Variants in COL4A4 observed in about 807,000 individuals in gnomAD.
COL4A4 encodes collagen alpha-4(IV) chain.
Under a neutral mutation model 192.9 loss-of-function variants are expected in COL4A4, and 105 were observed. That is an observed-to-expected ratio of 0.54 (90% CI 0.46 to 0.64). The LOEUF (loss-of-function observed/expected upper bound fraction) is 0.64. Among genes scored for constraint, COL4A4 ranks in the 30% least tolerant of loss-of-function variants. The pLI, the probability that COL4A4 is intolerant of heterozygous loss-of-function variation, is 0.00. For missense variants in COL4A4, 1,967 were observed against 2,169.3 expected, an observed-to-expected ratio of 0.91 and a Z score of 1.85; for synonymous variants, 762 against 769.9, an observed-to-expected ratio of 0.99 and a Z score of 0.17.
chr2:227,132,431 G>A (rs1053855259), intron 4 of COL4A4, among the ~76,000 whole-genome samples: 8 of 152,266 alleles, frequency 5.3e-5, no homozygotes, highest in East Asian at 1.9e-4. Context: ...GTTACTTGCC[G>A]AATGAATGGA....
At position 227,156,491 on chromosome 2, in the gene COL4A4, G is replaced by GAAAA. The variant is rs397973979; in HGVS notation, c.-102+7512_-102+7515dup. Among the ~76,000 whole-genome samples, 256 of 146,660 alleles carry GAAAA rather than the reference G, an allele frequency of 1.7e-3. 6 individuals carry two copies. The highest frequency in any genetic ancestry group is 0.016 in the Admixed American group (242 of 14,692). On this transcript the variant is annotated intron_variant, in intron 1 of 47. Transcript: ENST00000396625. ...GAAGGAAGGAAGATCTCGGGAAATG[G>GAAAA]AAAAAAAAAATAGGAATAAGCTATG...
intron 25 of COL4A4, among the ~76,000 whole-genome samples, chr2:227,065,190 A>C (rs2058232982): frequency 6.6e-6 from 1 of 152,182 alleles, no homozygotes; most frequent in Non-Finnish European, 1.5e-5. Context: ...GGGCTTAAAA[A>C]ACGGCGCACC....
chr2:227,032,166 CT>C lies in COL4A4; in HGVS notation c.3687del (p.Gly1230ValfsTer58). ...AGCTTACCTGGGGGTCCTGGGGGAC[CT>C]TTCTTTCCACGAGGACCTGGAGGAG... is the stretch of plus-strand genomic sequence containing the variant. ...GISPPGPRGK[K>X]GPPGPPGSSG... On this transcript the variant is annotated frameshift_variant, in exon 39 of 48. Coordinates refer to ENST00000396625, the MANE Select transcript of COL4A4 (RefSeq NM_000092.5). LOFTEE classifies it high-confidence loss of function. 1 of 1,614,146 alleles carries C rather than the reference CT, an allele frequency of 6.2e-7. No individual in the cohort carries two copies. Among genetic ancestry groups the C allele is most frequent in the Non-Finnish European group, 8.5e-7 (1 of 1,179,980 alleles).
the COL4A4 span, among the ~76,000 whole-genome samples, chr2:226,974,399 G>A: frequency 1.2e-4 from 18 of 151,926 alleles, no homozygotes; most frequent in Non-Finnish European, 1.8e-4. Context: ...CACTGGGCCT[G>A]GCTAATTTTT....
At chr2:227,107,844 A>G (rs6748600) in intron 12 of COL4A4, among the ~76,000 whole-genome samples, 100,785 of 147,940 alleles carry the variant, frequency 0.68, 34,086 homozygotes, top group African/African-American at 0.71. Flanking sequence ...TGCAAGCTCC[A>G]CCTCCCAGGT....
chr2:227,110,157 G>T (rs993150687), intron 9 of COL4A4, among the ~76,000 whole-genome samples: 3 of 152,172 alleles, frequency 2.0e-5, no homozygotes, highest in African/African-American at 7.2e-5. Context: ...AGCCAGGCTA[G>T]CCTGGAAGTG....
chr2:227,106,550 ATATTTTATCT>A (rs1410847128), intron 12 of COL4A4, among the ~76,000 whole-genome samples: 3 of 84,566 alleles, frequency 3.5e-5, no homozygotes, highest in Non-Finnish European at 7.9e-5. Context: ...TTCTGCATCA[ATATTTTATCT>A]TATTTTATTT....
the COL4A4 span, among the ~76,000 whole-genome samples, chr2:226,967,373 T>G: frequency 6.6e-6 from 1 of 152,130 alleles, no homozygotes; most frequent in African/African-American, 2.4e-5. Context: ...AGTTGAGAAT[T>G]CTTTTTTTCT....
Position 227,120,971 on chromosome 2 carries a change from T to C in COL4A4, c.327+43A>G, listed in dbSNP as rs370874563. On this transcript the variant is annotated intron_variant, in intron 5 of 47. Transcript: ENST00000396625. ...AAAACAAAAAATGGTGCAGTAGTGC[T>C]GGTGAGTCTTTCATGTGAATCTCCA... The C allele has an allele frequency of 1.1e-5, 17 of 1,613,422 alleles. No individual in the cohort carries two copies. The Middle Eastern group carries it at 5.0e-4, about 47-fold the overall frequency.
chr2:227,047,941 TCATATTTCAAGCTCTTTTATAAGG>T (rs1320083661), intron 34 of COL4A4, among the ~76,000 whole-genome samples: 1 of 152,202 alleles, frequency 6.6e-6, no homozygotes, highest in Non-Finnish European at 1.5e-5. Flanking sequence ...ACTGCTGCAA[TCATATTTCAAGCTCTTTTATAAGG>T]CAGCTCAACT....
chr2:227,101,800 G>T, intron 16 of COL4A4, 65 bp downstream of exon 16: 1 of 1,292,294 alleles, frequency 7.7e-7, no homozygotes. Context: ...TACAACTTCT[G>T]AATTATACTA....
At chr2:227,105,934 C>T (rs1275960505) in intron 12 of COL4A4, among the ~76,000 whole-genome samples, 1 of 151,756 alleles carries the variant, frequency 6.6e-6, no homozygotes, top group African/African-American at 2.4e-5. Context: ...AGATAATATA[C>T]ATAAAATGCT....
chr2:227,035,703 G>A (rs10166736), intron 37 of COL4A4, among the ~76,000 whole-genome samples: 70,936 of 151,942 alleles, frequency 0.47, 16,786 homozygotes, highest in South Asian at 0.56. Context: ...CCAAATCTGG[G>A]TATTTATTGC....
chr2:227,109,231 C>T lies in COL4A4; in HGVS notation c.650G>A (p.Gly217Glu). The part of the protein sequence containing the change: ...AGPTGYPGEP[G>E]LVGPPGQPGR... Reference sequence around the variant, plus strand: ...CAGCAGTGCTGTACTTACCACTAACCCTGGCTCTCCAGGATATCCTGTGGG... The same window carrying T: ...CAGCAGTGCTGTACTTACCACTAACTCTGGCTCTCCAGGATATCCTGTGGG... Residue 217 changes from glycine to glutamate, a missense_variant, in exon 10 of 48, where the codon GGG (glycine) becomes GAG (glutamate). Gly to Glu is a moderately conservative substitution (Grantham distance 98). Coordinates refer to ENST00000396625, the MANE Select transcript of COL4A4 (RefSeq NM_000092.5). 6.2e-7 allele frequency: 1 copy of T among 1,613,938 alleles called. No individual in the cohort carries two copies. The highest frequency in any genetic ancestry group is 8.5e-7 in the Non-Finnish European group (1 of 1,179,794).
rs1039244540 is a variant in COL4A4, at chr2:227,111,680, G to A, written c.592C>T (p.Pro198Ser). The change falls in exon 9 of 48, where the codon CCA becomes TCA. Residue 198 changes from proline (P) to serine (S), a missense_variant and splice_region_variant. By Grantham distance (74) the Pro-to-Ser change is moderately conservative (BLOSUM62 -1). Transcript: ENST00000396625. The stretch of plus-strand genomic sequence containing the variant: ...TAGAGCCTGCTCAGGAGACTTACTG[G>A]TAAGCCAGGCAGTCCTGGGTCCCCT... ...DRGDPGLPGL[P>S]GSWGAGGPAG... 9 of 1,613,998 alleles carry A rather than the reference G, an allele frequency of 5.6e-6. 1 individual carries two copies. The highest frequency in any genetic ancestry group is 1.7e-5 in the Admixed American group (1 of 60,010).
At chr2:227,143,393 C>T (rs143245573) in intron 3 of COL4A4, among the ~76,000 whole-genome samples, 3 of 152,250 alleles carry the variant, frequency 2.0e-5, no homozygotes, top group East Asian at 1.9e-4. Flanking sequence ...ATTCAAAATC[C>T]GGATGGGTAA....
chr2:227,084,879 C>T (rs181994939), intron 22 of COL4A4, among the ~76,000 whole-genome samples: 1 of 152,240 alleles, frequency 6.6e-6, no homozygotes, highest in Non-Finnish European at 1.5e-5. Flanking sequence ...TGCCTGTAAT[C>T]CCAGCACTTT....
At position 227,005,937 on chromosome 2, in the gene COL4A4, T is replaced by C. The variant is rs994791420; in HGVS notation, c.*1388A>G. On this transcript the variant is annotated 3_prime_UTR_variant, in exon 48 of 48. Transcript: ENST00000396625. ...AAAACAGAAAAAGGGATCTTTTGCTTTACAGAAAAAAATAATCATTATAAA... is the reference window on the plus strand; with the variant it reads ...AAAACAGAAAAAGGGATCTTTTGCTCTACAGAAAAAAATAATCATTATAAA... 2.0e-5 allele frequency: 3 copies of C among 152,182 alleles called. No individual in the cohort carries two copies. The highest frequency in any genetic ancestry group is 7.2e-5 in the African/African-American group (3 of 41,448). The allele number at this position is 152,182 out of a possible 1,614,324, so 9.4% of individuals were successfully genotyped here.
Position 227,109,307 on chromosome 2 carries a change from T to C in COL4A4, c.595-21A>G, listed in dbSNP as rs1405586455. 4 of 1,603,718 alleles carry C rather than the reference T, an allele frequency of 2.5e-6. No homozygotes were observed. The South Asian group carries it at 4.4e-5, about 18-fold the overall frequency. On this transcript the variant is annotated intron_variant, in intron 9 of 47. Transcript: ENST00000396625. ...GATCCCTAAACATGAGAAAAATCAGTGCATCTGTTACCCAAAATTGTAATC... is the reference window on the plus strand; with the variant it reads ...GATCCCTAAACATGAGAAAAATCAGCGCATCTGTTACCCAAAATTGTAATC...
Sources: allele counts gnomAD v4.1 joint callset (sites outside exome capture counted in the v4.1 genomes callset), GRCh38; gene constraint gnomAD v4.1.1; transcripts MANE v1.5; gene names NCBI Gene and HGNC (gene_info 2026-07-23, HGNC 2026-07-21).